The following U2SURP variants were observed in gnomAD, a reference collection of about 807,000 sequenced individuals.
U2SURP encodes U2 snRNP associated SURP domain containing.
Under a neutral mutation model 144.9 loss-of-function variants are expected in U2SURP, and 9 were observed. The observed-to-expected ratio is 0.06, with a 90% CI of 0.04 to 0.11. The LOEUF (loss-of-function observed/expected upper bound fraction) is 0.11. Ranked by LOEUF, U2SURP falls within the 10% of genes least tolerant of loss-of-function variation. U2SURP has a pLI of 1.00. For synonymous variants in U2SURP, 408 were observed against 396.8 expected, an observed-to-expected ratio of 1.03 and a Z score of -0.33; for missense variants, 724 against 1,226.7, an observed-to-expected ratio of 0.59 and a Z score of 6.12.
chr3:143,035,933 G>A, intron 19 of U2SURP, 49 bp from the exon 20 acceptor site: 2 of 1,518,286 alleles, frequency 1.3e-6, no homozygotes, highest in Non-Finnish European at 1.8e-6. Context: ...TGAAATTTGA[G>A]ACATATAGCC....
At chr3:143,035,122 G>A (rs977146953) in intron 19 of U2SURP, 147 bp downstream of exon 19, 6 of 446,618 alleles carry the variant, frequency 1.3e-5, no homozygotes, top group Middle Eastern at 7.2e-4. Flanking sequence ...AAATTCTGTC[G>A]TTTTTGTTTT....
At position 143,027,193 on chromosome 3, in the gene U2SURP, G is replaced by A. The variant is rs770388213; in HGVS notation, c.1319G>A (p.Arg440His). ...CATCGAATGATAGAGTTTGTTGTAC[G>A]TGAAGGGCCAATGTTTGAAGCTATG... ...LIHRMIEFVVREGPMFEAMIM... is the reference protein window; with the variant it reads ...LIHRMIEFVVHEGPMFEAMIM... Residue 440 changes from arginine to histidine, a missense_variant, in exon 14 of 28, where the codon CGT becomes CAT. Physicochemically the swap from Arg to His is conservative, Grantham distance 29 (BLOSUM62 0). Transcript: ENST00000473835. The A allele has an allele frequency of 3.1e-6, 5 of 1,612,998 alleles. No homozygotes were observed. Among genetic ancestry groups the A allele is most frequent in the Admixed American group, 3.3e-5 (2 of 59,946 alleles).
intron 16 of U2SURP, among the ~76,000 whole-genome samples, chr3:143,031,466 C>A (rs1456208739): frequency 6.7e-6 from 1 of 149,072 alleles, no homozygotes; most frequent in Non-Finnish European, 1.5e-5. Flanking sequence ...CAGCTACCAC[C>A]ACCCTGATCA....
intron 23 of U2SURP, among the ~76,000 whole-genome samples, chr3:143,041,694 G>A (rs1560198771): frequency 6.6e-6 from 1 of 151,854 alleles, no homozygotes. Flanking sequence ...GAAAGAATTT[G>A]ATTATAACTT....
chr3:143,016,062 G>T (rs376521232), intron 4 of U2SURP, among the ~76,000 whole-genome samples, 195 bp from the exon 5 acceptor site: 4 of 151,970 alleles, frequency 2.6e-5, no homozygotes, highest in Non-Finnish European at 4.4e-5. Flanking sequence ...GCAAATTGCC[G>T]GTAGAGGAGC....
At chr3:143,045,684 TTGTAATCTGGCCTGTCCTTTA>T (rs1560201938) in intron 24 of U2SURP, among the ~76,000 whole-genome samples, 1 of 152,264 alleles carries the variant, frequency 6.6e-6, no homozygotes, top group Non-Finnish European at 1.5e-5. Flanking sequence ...ATGTGCTCTT[TTGTAATCTGGCCTGTCCTTTA>T]TGTATTCAGT....
intron 1 of U2SURP, among the ~76,000 whole-genome samples, chr3:143,005,631 G>A (rs1935794822): frequency 6.6e-6 from 1 of 152,088 alleles, no homozygotes; most frequent in African/African-American, 2.4e-5. Context: ...TATGCCTGTT[G>A]GTATGGTTTT....
Position 143,036,116 on chromosome 3 carries a change from G to A in U2SURP, c.2064+12G>A, listed in dbSNP as rs768183340. On this transcript the variant is annotated intron_variant, in intron 20 of 27. Transcript: ENST00000473835. ...AAAAGGAAACAGAGGTAGGCAGTCT[G>A]TATTTGTCTGGTTGTTTTTAAAATT... The A allele has an allele frequency of 6.3e-7, 1 of 1,585,182 alleles. No homozygotes were observed. Among genetic ancestry groups the A allele is most frequent in the Non-Finnish European group, 8.5e-7 (1 of 1,170,224 alleles).
chr3:143,014,317 C>G lies in U2SURP; in HGVS notation c.229C>G (p.Leu77Val), dbSNP rs1936257895. ...TATGCTTTTTATTTCTTAGCCTCTT[C>G]TGGAAAACAAACTTAAAGCATTCAG... The part of the protein sequence containing the change: ...SPHQNLSRPL[L>V]ENKLKAFSIG... Residue 77 changes from leucine to valine, a missense_variant, in exon 4 of 28, where the codon CTG (leucine) becomes GTG (valine). This residue lies in a region of U2SURP where 127 missense variants were observed against 98.2 expected (regional missense o/e 1.29). Transcript: ENST00000473835. The G allele has an allele frequency of 9.4e-6, 15 of 1,596,334 alleles. No homozygotes were observed. The East Asian group carries it at 1.8e-4, about 19-fold the overall frequency.
At position 143,059,479 on chromosome 3, in the gene U2SURP, A is replaced by G. The variant is rs1357285239; in HGVS notation, c.*3029A>G. 2.6e-5 allele frequency: 4 copies of G among 151,934 alleles called. No homozygotes were observed. Among genetic ancestry groups the G allele is most frequent in the Admixed American group, 2.6e-4 (4 of 15,246 alleles). The allele number at this position is 151,934 out of a possible 1,614,324, so 9.4% of individuals were successfully genotyped here. ...AACTGTGATTAAATTTAGGTTTATT[A>G]GAAATATTCTGTACACATTTGCCTC... On this transcript the variant is annotated 3_prime_UTR_variant, in exon 28 of 28. Coordinates refer to ENST00000473835, the MANE Select transcript of U2SURP (RefSeq NM_001080415.2).
intron 1 of U2SURP, among the ~76,000 whole-genome samples, chr3:143,003,358 T>C (rs907649611): frequency 1.3e-5 from 2 of 152,192 alleles, no homozygotes; most frequent in Non-Finnish European, 2.9e-5. Context: ...TAACAAGAGA[T>C]TTGGGTTCAA....
intron 10 of U2SURP, 75 bp from the exon 11 acceptor site, chr3:143,022,422 A>C (rs1365783632): frequency 9.5e-6 from 13 of 1,373,510 alleles, no homozygotes; most frequent in African/African-American, 1.5e-5. Context: ...TTTTGTAAAA[A>C]CTACTTTGTT....
rs1325517388 is a variant in U2SURP, at chr3:143,057,184, C to T, written c.*734C>T. On this transcript the variant is annotated 3_prime_UTR_variant, in exon 28 of 28. Coordinates refer to ENST00000473835, the MANE Select transcript of U2SURP (RefSeq NM_001080415.2). ...GATTTCCATACATCCAACCCATGTT[C>T]TGAGCAACTACTTACTTTTAGGGGG... is the stretch of plus-strand genomic sequence containing the variant. The T allele has an allele frequency of 6.6e-6, 1 of 152,388 alleles. No homozygotes were observed. The highest frequency in any genetic ancestry group is 1.5e-5 in the Non-Finnish European group (1 of 67,888). The allele number at this position is 152,388 out of a possible 1,614,324, so 9.4% of individuals were successfully genotyped here.
intron 2 of U2SURP, 150 bp from the exon 3 acceptor site, chr3:143,012,072 G>T (rs565244091): frequency 5.8e-6 from 6 of 1,041,332 alleles, no homozygotes; most frequent in Non-Finnish European, 8.6e-6. Context: ...AACTTTTTTG[G>T]TGAAATCAAT....
rs1008715705 is a variant in U2SURP at position 143,060,039 on chromosome 3, C to A, written c.*3589C>A. 6.6e-6 allele frequency: 1 copy of A among 152,370 alleles called. No homozygotes were observed. The highest frequency in any genetic ancestry group is 2.4e-5 in the African/African-American group (1 of 41,412). The allele number at this position is 152,370 out of a possible 1,614,324, so 9.4% of individuals were successfully genotyped here. ...AAAAGGTGGGAATGTGCTGCTGTTC[C>A]GTGAGCCTTGTTCCATTGTTGAAAA... On this transcript the variant is annotated 3_prime_UTR_variant, in exon 28 of 28. Coordinates refer to ENST00000473835, the MANE Select transcript of U2SURP (RefSeq NM_001080415.2).
chr3:143,024,340 TTTCAGATAACG>T (rs755598813), intron 13 of U2SURP: 3 of 373,478 alleles, frequency 8.0e-6, no homozygotes, highest in African/African-American at 2.1e-5. Context: ...GTGTCGTAAA[TTTCAGATAACG>T]TTACAGTTTG....
chr3:143,056,384 G>T lies in U2SURP; in HGVS notation c.3024G>T (p.Lys1008Asn). ...CTAGATCTCCTAAAAAATCAGGAAA[G>T]AAGTCCAGATCCCAGTCCAGATCTC... ...SRSRSPKKSGKKSRSQSRSPH... is the reference protein window; with the variant it reads ...SRSRSPKKSGNKSRSQSRSPH... The change falls in exon 28 of 28, where the codon AAG (lysine) becomes AAT (asparagine). Residue 1008 changes from lysine (K) to asparagine (N), a missense_variant. Physicochemically the swap from Lys to Asn is moderately conservative, Grantham distance 94 (BLOSUM62 0). Coordinates refer to ENST00000473835, the MANE Select transcript of U2SURP (RefSeq NM_001080415.2). 1 of 1,612,572 alleles carries T rather than the reference G, an allele frequency of 6.2e-7. No individual in the cohort carries two copies. Among genetic ancestry groups the T allele is most frequent in the Non-Finnish European group, 8.5e-7 (1 of 1,179,178 alleles).
Position 143,056,531 on chromosome 3 carries a change from AAATC to A in U2SURP, c.*84_*87del, listed in dbSNP as rs1935161288. The A allele has an allele frequency of 1.3e-6, 2 of 1,520,276 alleles. No homozygotes were observed. Among genetic ancestry groups the A allele is most frequent in the African/African-American group, 1.4e-5 (1 of 71,588 alleles). The allele number at this position is 1,520,276 out of a possible 1,614,324, so 94.2% of individuals were successfully genotyped here. A position where few individuals can be genotyped will look rare whatever the true frequency, so the allele number is the denominator to read the frequency against. On this transcript the variant is annotated 3_prime_UTR_variant, in exon 28 of 28. Coordinates refer to ENST00000473835, the MANE Select transcript of U2SURP (RefSeq NM_001080415.2). ...ACGGTCTGTTTTTTAAAAAAACAAA[AAATC>A]AAATGAAAGAGCATTCCTGGGGTTT...
intron 6 of U2SURP, among the ~76,000 whole-genome samples, chr3:143,017,880 T>C (rs1383232864): frequency 6.6e-6 from 1 of 151,394 alleles, no homozygotes; most frequent in Non-Finnish European, 1.5e-5. Context: ...CACTTTTGCC[T>C]CCCAAAGTGC....
Sources: allele counts gnomAD v4.1 joint callset (sites outside exome capture counted in the v4.1 genomes callset), GRCh38; gene constraint gnomAD v4.1.1; regional missense constraint gnomAD v4.1.1; transcripts MANE v1.5; gene names NCBI Gene and HGNC (gene_info 2026-07-23, HGNC 2026-07-21).